SORCS3: variants seen among roughly 807,000 people sequenced by gnomAD.
SORCS3 encodes the protein VPS10 domain-containing receptor SorCS3.
Under a neutral mutation model 146.3 loss-of-function variants are expected in SORCS3, and 57 were observed. The observed-to-expected ratio is 0.39, with a 90% CI of 0.31 to 0.49. SORCS3 has a LOEUF of 0.49. SORCS3 is among the 20% of genes least tolerant of loss of function. SORCS3 has a pLI of 0.92. For missense variants in SORCS3, 1,341 were observed against 1,575.5 expected (o/e 0.85, Z 2.52); for synonymous variants, 653 against 618.5 (o/e 1.06, Z -0.83).
intron 1 of SORCS3, among the ~76,000 whole-genome samples, chr10:104,813,607 G>A (rs1413124314): frequency 6.6e-6 from 1 of 152,126 alleles, no homozygotes; most frequent in African/African-American, 2.4e-5. Flanking sequence ...GTGGCTCTCT[G>A]CTCTACAGCG....
intron 2 of SORCS3, among the ~76,000 whole-genome samples, chr10:104,854,590 G>C (rs1333858053): frequency 6.6e-6 from 1 of 151,810 alleles, no homozygotes; most frequent in Admixed American, 6.5e-5. Context: ...ATTTTTTTGT[G>C]TGAGTTTGTG....
intron 3 of SORCS3, among the ~76,000 whole-genome samples, chr10:104,917,240 C>G (rs2019039925): frequency 6.6e-6 from 1 of 152,090 alleles, no homozygotes; most frequent in African/African-American, 2.4e-5. Context: ...TTCTTTGTCC[C>G]AAAGCATTGC....
intron 8 of SORCS3, among the ~76,000 whole-genome samples, chr10:105,141,679 G>A (rs1343530440): frequency 6.6e-6 from 1 of 152,152 alleles, no homozygotes; most frequent in Non-Finnish European, 1.5e-5. Flanking sequence ...AGAAGCCATA[G>A]CCTTGTGCTG....
chr10:104,898,944 T>G (rs1228150781), intron 2 of SORCS3, among the ~76,000 whole-genome samples: 1 of 152,236 alleles, frequency 6.6e-6, no homozygotes, highest in Non-Finnish European at 1.5e-5. Flanking sequence ...GTTAGTTGCT[T>G]CAATGCATAC....
intron 4 of SORCS3, among the ~76,000 whole-genome samples, chr10:105,028,990 C>G (rs768127536): frequency 6.6e-6 from 1 of 152,150 alleles, no homozygotes; most frequent in Non-Finnish European, 1.5e-5. Context: ...CACAACAGCT[C>G]AACTCTAATG....
At chr10:104,767,246 A>G (rs1360766357) in intron 1 of SORCS3, among the ~76,000 whole-genome samples, 2 of 152,212 alleles carry the variant, frequency 1.3e-5, no homozygotes, top group African/African-American at 4.8e-5. Flanking sequence ...AATGATCAGT[A>G]AATACTTGAG....
chr10:104,920,481 C>A (rs1447967790), intron 3 of SORCS3, among the ~76,000 whole-genome samples: 20 of 152,204 alleles, frequency 1.3e-4, no homozygotes, highest in Admixed American at 1.3e-3. Flanking sequence ...CAGCTACTAT[C>A]CTAAACTCCC....
chr10:104,861,721 G>A (rs576674250), intron 2 of SORCS3, among the ~76,000 whole-genome samples: 2 of 152,264 alleles, frequency 1.3e-5, no homozygotes, highest in South Asian at 4.1e-4. Context: ...GGAGGATCAG[G>A]GAGGACGTTC....
chr10:104,825,234 C>G (rs1470738802), intron 1 of SORCS3, among the ~76,000 whole-genome samples: 1 of 152,146 alleles, frequency 6.6e-6, no homozygotes, highest in Non-Finnish European at 1.5e-5. Context: ...ATGCTGACGG[C>G]TTACTGTGTG....
intron 13 of SORCS3, among the ~76,000 whole-genome samples, chr10:105,173,214 A>C (rs1156615733): frequency 6.6e-6 from 1 of 152,142 alleles, no homozygotes; most frequent in Non-Finnish European, 1.5e-5. Flanking sequence ...CAGGAGGCTG[A>C]GGCAGGATAA....
At position 105,173,066 on chromosome 10, in the gene SORCS3, A is replaced by T. The variant is rs373041901; in HGVS notation, c.1902-5000A>T. 3.2e-4 allele frequency among the ~76,000 whole-genome samples: 49 copies of T among 152,290 alleles called. 1 individual carries two copies. The East Asian group carries it at 8.3e-3, about 26-fold the overall frequency. ...TATGATGAGAAATCTAGATCCATCCATCAAAAGGTCTTCTTAACAATATTA... is the reference window on the plus strand; with the variant it reads ...TATGATGAGAAATCTAGATCCATCCTTCAAAAGGTCTTCTTAACAATATTA... On this transcript the variant is annotated intron_variant, in intron 13 of 26. Transcript: ENST00000369701.
chr10:104,941,160 T>C (rs905566788), intron 3 of SORCS3, among the ~76,000 whole-genome samples: 3 of 152,172 alleles, frequency 2.0e-5, no homozygotes, highest in South Asian at 2.1e-4. Context: ...TTGGCAGGTT[T>C]TGACCAGCTT....
intron 2 of SORCS3, among the ~76,000 whole-genome samples, chr10:104,854,377 G>A (rs992629386): frequency 6.6e-6 from 1 of 152,134 alleles, no homozygotes; most frequent in Non-Finnish European, 1.5e-5. Flanking sequence ...TGTGCCATTT[G>A]TGTTCACACA....
intron 1 of SORCS3, among the ~76,000 whole-genome samples, chr10:104,735,816 G>A (rs1018959264): frequency 6.6e-5 from 10 of 152,000 alleles, no homozygotes; most frequent in African/African-American, 2.4e-4. Flanking sequence ...TCTTGGAACC[G>A]GTTCTGATTT....
intron 1 of SORCS3, among the ~76,000 whole-genome samples, chr10:104,759,383 C>T (rs2017094167): frequency 6.6e-6 from 1 of 152,154 alleles, no homozygotes; most frequent in Non-Finnish European, 1.5e-5. Flanking sequence ...TTAGCAAACT[C>T]ATACACAGAG....
Position 105,133,385 on chromosome 10 carries a change from G to A in SORCS3, c.1213-6012G>A, listed in dbSNP as rs572610810. On this transcript the variant is annotated intron_variant, in intron 7 of 26. Transcript: ENST00000369701. ...TGCTGTGTACCTGCCTCTATGAGGT[G>A]TGCTCACTCCTGGTTAAGGTTTCAG... Among the ~76,000 whole-genome samples the A allele has an allele frequency of 4.9e-4, 75 of 152,290 alleles. 1 individual carries two copies. Among genetic ancestry groups the A allele is most frequent in the African/African-American group, 1.8e-3 (75 of 41,558 alleles).
At chr10:105,236,026 G>A (rs1267155503) in intron 20 of SORCS3, among the ~76,000 whole-genome samples, 1 of 152,084 alleles carries the variant, frequency 6.6e-6, no homozygotes, top group South Asian at 2.1e-4. Flanking sequence ...AAAATATAGA[G>A]CAAGATTCAT....
intron 4 of SORCS3, among the ~76,000 whole-genome samples, chr10:105,024,027 G>A (rs1164347511): frequency 2.0e-5 from 3 of 152,160 alleles, no homozygotes; most frequent in Non-Finnish European, 4.4e-5. Context: ...GGAGAAGCCA[G>A]CTTCTCCTGT....
At chr10:105,042,742 G>A (rs1198561265) in intron 4 of SORCS3, among the ~76,000 whole-genome samples, 1 of 152,116 alleles carries the variant, frequency 6.6e-6, no homozygotes, top group African/African-American at 2.4e-5. Flanking sequence ...ATTTTTATAT[G>A]TAGTCTTATT....
Sources: gnomAD v4.1 joint callset for allele counts (sites outside exome capture counted in the v4.1 genomes callset) on GRCh38, gnomAD v4.1.1 for gene constraint, MANE v1.5 for transcripts, NCBI Gene and HGNC (gene_info 2026-07-23, HGNC 2026-07-21) for gene names.